Variants in UBE2K observed in about 807,000 individuals in gnomAD.
UBE2K encodes ubiquitin conjugating enzyme E2 K.
In UBE2K, 6 loss-of-function variants were observed where a neutral mutation model predicts 30.0. That is an observed-to-expected ratio of 0.20 (90% CI 0.11 to 0.39). UBE2K has a LOEUF of 0.39. UBE2K is among the 10% of genes least tolerant of loss of function. The probability of loss-of-function intolerance (pLI) is 1.00; values close to 1 mark genes in which losing one functional copy is unlikely to be tolerated. For synonymous variants in UBE2K, 86 were observed against 83.7 expected, an observed-to-expected ratio of 1.03 and a Z score of -0.15; for missense variants, 61 against 241.6, an observed-to-expected ratio of 0.25 and a Z score of 4.96.
chr4:39,752,317 TTTTTTTTCTTTTTTTTTC>T (rs1215068509), intron 3 of UBE2K, among the ~76,000 whole-genome samples: 10 of 113,788 alleles, frequency 8.8e-5, no homozygotes, highest in African/African-American at 2.4e-4. Flanking sequence ...GCTAATTTTT[TTTTTTTTCTTTTTTTTTC>T]TTTTTTTTTT....
In UBE2K at chr4:39,777,557, G is replaced by A. The variant is rs901271431; in HGVS notation, c.400-125G>A. ...TGACATAGGTTGTCTATAATGCAAAGTGAATCACATTTTAAATGTAGATTT... is the reference window on the plus strand; with the variant it reads ...TGACATAGGTTGTCTATAATGCAAAATGAATCACATTTTAAATGTAGATTT... On this transcript the variant is annotated intron_variant, in intron 5 of 6. Coordinates refer to ENST00000261427, the MANE Select transcript of UBE2K (RefSeq NM_005339.5). 6 of 943,980 alleles carry A rather than the reference G, an allele frequency of 6.4e-6. No individual in the cohort carries two copies. In the African/African-American group the frequency reaches 8.7e-5, roughly 14 times the overall value. 58.5% of individuals were successfully genotyped at this position (943,980 alleles called of 1,614,324 possible). A position where few individuals can be genotyped will look rare whatever the true frequency, so the allele number is the denominator to read the frequency against.
intron 1 of UBE2K, among the ~76,000 whole-genome samples, chr4:39,732,270 CT>C (rs1324492115): frequency 4.6e-5 from 7 of 152,152 alleles, no homozygotes; most frequent in Non-Finnish European, 8.8e-5. Context: ...TTGTTCATAG[CT>C]AGTAAGTTTT....
At chr4:39,734,713 G>A (rs1180779223) in intron 1 of UBE2K, among the ~76,000 whole-genome samples, 3 of 152,158 alleles carry the variant, frequency 2.0e-5, no homozygotes, top group South Asian at 2.1e-4. Context: ...TGGTTAGGCC[G>A]AGGTGGGAGA....
chr4:39,698,303 G>T lies in UBE2K; in HGVS notation c.-25G>T. On this transcript the variant is annotated 5_prime_UTR_variant, in exon 1 of 7. Transcript: ENST00000261427. ...GTCGTAGCGGTGGCGGAGGAGGCGG[G>T]TACGAATCAGCTGCGGGCGGAGACA... The T allele has an allele frequency of 6.2e-7, 1 of 1,606,350 alleles. No individual in the cohort carries two copies. The highest frequency in any genetic ancestry group is 8.5e-7 in the Non-Finnish European group (1 of 1,176,486).
intron 3 of UBE2K, among the ~76,000 whole-genome samples, chr4:39,751,743 C>T (rs891903446): frequency 4.6e-5 from 7 of 151,952 alleles, no homozygotes; most frequent in Non-Finnish European, 1.5e-5. Context: ...GAGGCTGAGG[C>T]GGGCGGATCA....
At chr4:39,725,205 G>A (rs573183938) in intron 1 of UBE2K, among the ~76,000 whole-genome samples, 2 of 151,704 alleles carry the variant, frequency 1.3e-5, no homozygotes, top group East Asian at 3.9e-4. Flanking sequence ...TGGAGACATG[G>A]CGAACCGTCT....
chr4:39,748,569 C>T (rs536202452), intron 3 of UBE2K, among the ~76,000 whole-genome samples: 2 of 150,336 alleles, frequency 1.3e-5, no homozygotes, highest in South Asian at 2.1e-4. Context: ...CGTTTGAGCT[C>T]GGGAGTTTGA....
chr4:39,758,109 C>G (rs1226073819), intron 4 of UBE2K, among the ~76,000 whole-genome samples: 1 of 152,192 alleles, frequency 6.6e-6, no homozygotes, highest in Non-Finnish European at 1.5e-5. Context: ...CTGAAACCTG[C>G]TTCTATAGTC....
intron 1 of UBE2K, among the ~76,000 whole-genome samples, chr4:39,730,137 G>T (rs1272423388): frequency 6.6e-6 from 1 of 152,116 alleles, no homozygotes; most frequent in Non-Finnish European, 1.5e-5. Context: ...ATTCAGACTT[G>T]AATTACTCTT....
At chr4:39,751,114 T>G (rs1316576987) in intron 3 of UBE2K, among the ~76,000 whole-genome samples, 2 of 151,738 alleles carry the variant, frequency 1.3e-5, no homozygotes, top group Non-Finnish European at 2.9e-5. Context: ...TTCTTGTTTT[T>G]TTTTTTCAAA....
intron 4 of UBE2K, chr4:39,770,429 G>T (rs1578504196): frequency 1.2e-6 from 2 of 1,612,370 alleles, no homozygotes; most frequent in Non-Finnish European, 1.7e-6. Flanking sequence ...GCTTCTCCAC[G>T]CCCTGGAACA....
chr4:39,705,109 G>T (rs965805588), intron 1 of UBE2K, among the ~76,000 whole-genome samples: 2 of 151,262 alleles, frequency 1.3e-5, no homozygotes, highest in African/African-American at 4.9e-5. Context: ...GTATTGGCCA[G>T]GCTGGTCTCG....
intron 1 of UBE2K, among the ~76,000 whole-genome samples, chr4:39,715,276 C>T (rs1029603636): frequency 2.0e-5 from 3 of 151,798 alleles, no homozygotes; most frequent in African/African-American, 7.3e-5. Context: ...GATCCACCTG[C>T]CTCGGCCTCC....
At chr4:39,771,645 C>T (rs940298873) in intron 4 of UBE2K, among the ~76,000 whole-genome samples, 1 of 152,090 alleles carries the variant, frequency 6.6e-6, no homozygotes, top group Admixed American at 6.5e-5. Flanking sequence ...GCGGGAGCGG[C>T]TCGTGCGGTG....
At chr4:39,736,049 A>G (rs1030897576) in intron 1 of UBE2K, among the ~76,000 whole-genome samples, 2 of 151,982 alleles carry the variant, frequency 1.3e-5, no homozygotes, top group African/African-American at 2.4e-5. Flanking sequence ...AGCCAAAGAC[A>G]GTAATTCTTA....
chr4:39,703,652 T>C (rs1718161048), intron 1 of UBE2K, among the ~76,000 whole-genome samples: 1 of 151,624 alleles, frequency 6.6e-6, no homozygotes, highest in Non-Finnish European at 1.5e-5. Context: ...ATCGAGACCA[T>C]CCTGGCCAAC....
intron 4 of UBE2K, among the ~76,000 whole-genome samples, chr4:39,760,196 A>AAAAAAAG (rs1711826491): frequency 7.6e-4 from 6 of 7,914 alleles, no homozygotes; most frequent in African/African-American, 2.6e-3. Context: ...AAAAAAACAG[A>AAAAAAAG]AAAAAAAAAA....
chr4:39,712,504 A>G (rs1359332795), intron 1 of UBE2K, among the ~76,000 whole-genome samples: 2 of 150,218 alleles, frequency 1.3e-5, no homozygotes, highest in African/African-American at 2.5e-5. Flanking sequence ...ATCTTGGCTC[A>G]TTGCAACCTC....
chr4:39,751,551 C>T (rs1458111581), intron 3 of UBE2K, among the ~76,000 whole-genome samples: 2 of 152,074 alleles, frequency 1.3e-5, no homozygotes, highest in Non-Finnish European at 2.9e-5. Flanking sequence ...TGATGGCGCA[C>T]GCCTGTAGTC....
Sources: allele counts gnomAD v4.1 joint callset (sites outside exome capture counted in the v4.1 genomes callset), GRCh38; gene constraint gnomAD v4.1.1; transcripts MANE v1.5; gene names NCBI Gene and HGNC (gene_info 2026-07-23, HGNC 2026-07-21).